Variants in GALNS observed in about 807,000 individuals in gnomAD.
GALNS encodes galactosamine (N-acetyl)-6-sulfatase.
A neutral mutation model predicts 65.9 loss-of-function variants in GALNS; 65 were observed. That is an observed-to-expected ratio of 0.99 (90% CI 0.81 to 1.21). The LOEUF (loss-of-function observed/expected upper bound fraction) is 1.21. Among genes scored for constraint, GALNS ranks in the 50% most tolerant of loss-of-function variants. The pLI, the probability that GALNS is intolerant of heterozygous loss-of-function variation, is 0.00. For synonymous variants in GALNS, 346 were observed against 288.9 expected (o/e 1.20, Z -2.00); for missense variants, 776 against 700.7 (o/e 1.11, Z -1.21).
intron 8 of GALNS, 36 bp downstream of exon 8, chr16:88,835,177 G>A (rs1301508795): frequency 1.3e-6 from 2 of 1,556,574 alleles, no homozygotes; most frequent in Non-Finnish European, 1.7e-6. Context: ...CACGCTGGCT[G>A]TGGGGAAACC....
intron 13 of GALNS, chr16:88,816,779 T>A: frequency 1.0e-6 from 1 of 985,422 alleles, no homozygotes; most frequent in Non-Finnish European, 1.2e-6. Flanking sequence ...GGTCTGGCCC[T>A]GGAAAGAGGC....
intron 13 of GALNS, chr16:88,817,023 C>T (rs1909700858): frequency 2.0e-6 from 2 of 985,408 alleles, no homozygotes; most frequent in Non-Finnish European, 2.4e-6. Flanking sequence ...GTGTGTGGCT[C>T]GTTTTTGCCG....
At position 88,842,731 on chromosome 16, in the gene GALNS, A is replaced by G. The variant is rs1967033649; in HGVS notation, c.219T>C (p.Tyr73=). ...ATGGCGAGCACAGAGGGTTGGCAGAATAGAAGTTTGGGAAAAGCAGCCCTT... is the reference window on the plus strand; with the variant it reads ...ATGGCGAGCACAGAGGGTTGGCAGAGTAGAAGTTTGGGAAAAGCAGCCCTT... ...AAEGLLFPNF[Y]SANPLCSPSR... The change falls in exon 2 of 14, where the codon TAT becomes TAC. Residue 73 remains tyrosine (Y), a synonymous_variant. Transcript: ENST00000268695. 3.1e-6 allele frequency: 5 copies of G among 1,613,042 alleles called. No homozygotes were observed. The East Asian group carries it at 1.1e-4, about 36-fold the overall frequency.
chr16:88,834,716 G>A (rs113797435), intron 8 of GALNS, among the ~76,000 whole-genome samples: 1 of 150,612 alleles, frequency 6.6e-6, no homozygotes, highest in East Asian at 2.0e-4. Context: ...AGTGCCGAGC[G>A]GGGGAAAGGC....
chr16:88,824,722 G>C (rs1597540693), intron 11 of GALNS, 45 bp downstream of exon 11: 1 of 1,540,206 alleles, frequency 6.5e-7, no homozygotes, highest in Middle Eastern at 1.8e-4. Flanking sequence ...CGTCTGGATA[G>C]AGATGGGGGC....
chr16:88,835,699 C>A lies in GALNS; in HGVS notation c.758+26G>T. On this transcript the variant is annotated intron_variant, in intron 7 of 13. Coordinates refer to ENST00000268695, the MANE Select transcript of GALNS (RefSeq NM_000512.5). ...GCACAGCTGGGGCCTCCAGCGAGGT[C>A]TATGCTCCATGGAGCCAGGACTCAC... 2.5e-6 allele frequency: 4 copies of A among 1,613,630 alleles called. No individual in the cohort carries two copies. In the South Asian group the frequency reaches 4.4e-5, roughly 18 times the overall value.
chr16:88,832,214 G>T, intron 8 of GALNS, 113 bp from the exon 9 acceptor site: 1 of 966,842 alleles, frequency 1.0e-6, no homozygotes, highest in Non-Finnish European at 1.6e-6. Flanking sequence ...CCCGGCCAAG[G>T]CACTCTGGCT....
At position 88,856,636 on chromosome 16, in the gene GALNS, G is replaced by A. The variant is rs1263611772; in HGVS notation, c.120+122C>T. ...GCGCGGGGCCTCCCCCCTTCCCCAA[G>A]GGGCCTCCCCTCACCTCTCCCCCCA... On this transcript the variant is annotated intron_variant, in intron 1 of 13. Transcript: ENST00000268695. 2.9e-3 allele frequency: 931 copies of A among 321,710 alleles called. 13 individuals are homozygous for A. Among genetic ancestry groups the A allele is most frequent in the African/African-American group, 0.027 (767 of 28,568 alleles). 19.9% of individuals were successfully genotyped at this position (321,710 alleles called of 1,614,324 possible). A position where few individuals can be genotyped will look rare whatever the true frequency, so the allele number is the denominator to read the frequency against.
intron 5 of GALNS, 140 bp downstream of exon 5, chr16:88,837,482 A>T: frequency 1.2e-6 from 1 of 831,998 alleles, no homozygotes; most frequent in Non-Finnish European, 1.9e-6. Context: ...ACCAAACCAA[A>T]GCCCTCGGTG....
chr16:88,816,220 C>T (rs1242573652), intron 13 of GALNS: 1 of 985,476 alleles, frequency 1.0e-6, no homozygotes. Context: ...GTGCGCCCAC[C>T]TCCCCTGCCC....
rs1910977435 is a variant in GALNS, at chr16:88,826,814, T to C, written c.1027A>G (p.Met343Val). 6.3e-7 allele frequency: 1 copy of C among 1,590,980 alleles called. No individual in the cohort carries two copies. ...GCCAGGCTGGTGGTGAAGAGGTCCA[T>C]GATGCTGCCCAGCTGGTGGCTCACC... ...GQVSHQLGSI[M>V]DLFTTSLALA... Residue 343 changes from methionine (M) to valine (V), a missense_variant, in exon 10 of 14, where the codon ATG (methionine) becomes GTG (valine). Met to Val is a conservative substitution (Grantham distance 21). Transcript: ENST00000268695.
At chr16:88,853,465 C>A (rs527714076) in intron 1 of GALNS, among the ~76,000 whole-genome samples, 3 of 152,156 alleles carry the variant, frequency 2.0e-5, no homozygotes, top group Non-Finnish European at 4.4e-5. Flanking sequence ...CAACCCTCCC[C>A]GGACTCTGGT....
Position 88,841,948 on chromosome 16 carries a change from G to A in GALNS, c.268C>T (p.Arg90Trp), listed in dbSNP as rs1028668536. Residue 90 changes from arginine (R) to tryptophan (W), a missense_variant, in exon 3 of 14, where the codon CGG becomes TGG. Transcript: ENST00000268695. ...SPSRAALLTGRLPIRNGFYTT... is the reference protein window; with the variant it reads ...SPSRAALLTGWLPIRNGFYTT... ...TAGAAGCCATTGCGGATGGGTAGCCGTCCTGTGAGCAGTGCCGCCCTCGCT... is the reference window on the plus strand; with the variant it reads ...TAGAAGCCATTGCGGATGGGTAGCCATCCTGTGAGCAGTGCCGCCCTCGCT... 25 of 1,613,448 alleles carry A rather than the reference G, an allele frequency of 1.5e-5. No homozygotes were observed. Among genetic ancestry groups the A allele is most frequent in the East Asian group, 2.2e-5 (1 of 44,874 alleles).
chr16:88,822,823 C>T, intron 11 of GALNS, 113 bp from the exon 12 acceptor site: 1 of 1,476,682 alleles, frequency 6.8e-7, no homozygotes, highest in East Asian at 2.6e-5. Context: ...GCCTTGTCTG[C>T]CTGTGTCCTG....
intron 1 of GALNS, among the ~76,000 whole-genome samples, chr16:88,850,977 A>G (rs1312174997): frequency 1.3e-5 from 2 of 152,176 alleles, no homozygotes; most frequent in African/African-American, 2.4e-5. Context: ...AAAACCTCCC[A>G]CACATGTGCC....
intron 10 of GALNS, among the ~76,000 whole-genome samples, 178 bp downstream of exon 10, chr16:88,826,524 A>C (rs1230217919): frequency 6.6e-6 from 1 of 152,074 alleles, no homozygotes; most frequent in Admixed American, 6.5e-5. Context: ...CCCCTGCCCC[A>C]CAGGCAGGTC....
intron 10 of GALNS, among the ~76,000 whole-genome samples, chr16:88,825,376 GCTGGGTGT>G (rs1416004571): frequency 1.9e-5 from 2 of 105,808 alleles, no homozygotes; most frequent in African/African-American, 3.9e-5. Context: ...GGCTGGGGTG[GCTGGGTGT>G]CTGGGTGGCC....
chr16:88,818,112 G>T lies in GALNS; in HGVS notation c.1377C>A (p.Ala459=). Residue 459 remains alanine, a synonymous_variant, in exon 13 of 14, where the codon GCC becomes GCA. Coordinates refer to ENST00000268695, the MANE Select transcript of GALNS (RefSeq NM_000512.5). ...GERFPLSFAS[A]EYQEALSRIT... ...TCCTGCTGAGGGCCTCCTGGTACTC[G>T]GCGCTGGCAAAGCTGGGGACAGAGA... The T allele has an allele frequency of 6.4e-7, 1 of 1,572,866 alleles. No individual in the cohort carries two copies.
At chr16:88,822,481 AGGGGAGGCGGC>A in intron 12 of GALNS, 97 bp downstream of exon 12, 1 of 1,440,382 alleles carries the variant, frequency 6.9e-7, no homozygotes, top group African/African-American at 1.4e-5. Flanking sequence ...GATGCAGGCA[AGGGGAGGCGGC>A]GGGCAGGGTG....
Sources: gnomAD v4.1 joint callset for allele counts (sites outside exome capture counted in the v4.1 genomes callset) on GRCh38, gnomAD v4.1.1 for gene constraint, MANE v1.5 for transcripts, NCBI Gene and HGNC (gene_info 2026-07-23, HGNC 2026-07-21) for gene names.